Variants in RFX1 observed in about 807,000 individuals in gnomAD.
RFX1 encodes regulatory factor X1.
Under a neutral mutation model 119.6 loss-of-function variants are expected in RFX1, and 42 were observed. The observed-to-expected ratio is 0.35, with a 90% confidence interval of 0.27 to 0.45. The LOEUF is 0.45. Among genes scored for constraint, RFX1 ranks in the 20% least tolerant of loss-of-function variants. RFX1 has a pLI of 1.00. For synonymous variants in RFX1, 628 were observed against 618.5 expected, an observed-to-expected ratio of 1.02 and a Z score of -0.23; for missense variants, 1,118 against 1,368.1, an observed-to-expected ratio of 0.82 and a Z score of 2.88.
intron 9 of RFX1, among the ~76,000 whole-genome samples, chr19:13,970,705 G>A (rs915163309): frequency 7.0e-6 from 1 of 143,456 alleles, no homozygotes; most frequent in Non-Finnish European, 1.5e-5. Context: ...AAATTAGCAG[G>A]ACGTGGTGGC....
At chr19:13,973,319 A>T (rs774192770) in intron 8 of RFX1, among the ~76,000 whole-genome samples, 192 bp from the exon 9 acceptor site, 2 of 152,132 alleles carry the variant, frequency 1.3e-5, no homozygotes. Flanking sequence ...GCAGTATTTC[A>T]TATAATCATC....
In RFX1 at chr19:13,970,146, C is replaced by T. The variant is rs761413531; in HGVS notation, c.1344G>A (p.Thr448=). 6.2e-6 allele frequency: 10 copies of T among 1,612,552 alleles called. No homozygotes were observed. The highest frequency in any genetic ancestry group is 1.3e-5 in the African/African-American group (1 of 75,008). Residue 448 remains threonine (T), a synonymous_variant, in exon 10 of 21, where the codon ACG becomes ACA. Coordinates refer to ENST00000254325, the MANE Select transcript of RFX1 (RefSeq NM_002918.5). ...TVQWLLDNYE[T]AEGVSLPRST... is the part of the protein sequence containing the mutation. Reference sequence around the variant, plus strand: ...TCCGTGGCAGACTCACGCCCTCAGCCGTCTCATAGTTGTCCAGGAGCCACT... The same window carrying T: ...TCCGTGGCAGACTCACGCCCTCAGCTGTCTCATAGTTGTCCAGGAGCCACT...
Position 13,986,237 on chromosome 19 carries a change from C to T in RFX1, c.320-2642G>A, listed in dbSNP as rs1974589810. The stretch of plus-strand genomic sequence containing the variant: ...GGTGGGCAGGGAGTGGGGGGCTGGC[C>T]CCCCACCCTCTCCAGGGCTCAGGGG... On this transcript the variant is annotated intron_variant, in intron 2 of 20. Transcript: ENST00000254325. The surrounding 1 kb of genome is among the most constrained non-coding windows in gnomAD (Gnocchi z 4.2). Among the ~76,000 whole-genome samples the T allele has an allele frequency of 6.6e-6, 1 of 152,080 alleles. No individual in the cohort carries two copies. Among genetic ancestry groups the T allele is most frequent in the Non-Finnish European group, 1.5e-5 (1 of 67,990 alleles).
intron 8 of RFX1, among the ~76,000 whole-genome samples, chr19:13,974,357 G>C (rs1330521276): frequency 1.3e-5 from 2 of 152,166 alleles, no homozygotes; most frequent in South Asian, 2.1e-4. Context: ...CAGATATCGC[G>C]TGACGGGATG....
rs188957964 is a variant in RFX1, at chr19:13,965,456, C to T, written c.2204G>A (p.Arg735Gln). ...ACCCCCTCACACTCTCACCTTCACC[C>T]GCAGCATCTCCTCGGGGATGTTGAC... ...AMVNIPEEML[R>Q]VKVAAAGAFA... Residue 735 changes from arginine (R) to glutamine (Q), a missense_variant, in exon 16 of 21, where the codon CGG becomes CAG. Around this residue, in one of 5 missense-constraint regions of RFX1, gnomAD observed 338 missense variants for 508.9 expected, o/e 0.66. Coordinates refer to ENST00000254325, the MANE Select transcript of RFX1 (RefSeq NM_002918.5). The surrounding 1 kb of genome is among the most constrained non-coding windows in gnomAD (Gnocchi z 4.7). 5.2e-4 allele frequency: 840 copies of T among 1,613,684 alleles called. 9 individuals carry two copies. The Admixed American group carries it at 0.013, about 24-fold the overall frequency.
chr19:13,984,455 G>A (rs1242643350), intron 2 of RFX1, among the ~76,000 whole-genome samples: 4 of 152,194 alleles, frequency 2.6e-5, no homozygotes, highest in Admixed American at 2.6e-4. Flanking sequence ...GGTGAGGAGG[G>A]AGGTTGGTAC....
At position 13,978,054 on chromosome 19, in the gene RFX1, G is replaced by A. The variant is rs962043254; in HGVS notation, c.867C>T (p.His289=). 5 of 1,613,384 alleles carry A rather than the reference G, an allele frequency of 3.1e-6. No individual in the cohort carries two copies. The highest frequency in any genetic ancestry group is 3.3e-5 in the Admixed American group (2 of 59,986). Residue 289 remains histidine, a synonymous_variant, in exon 8 of 21, where the codon CAC becomes CAT. Transcript: ENST00000254325. ...CATACTGCACCTGGCTGGAGTACAC[G>A]TGTGGGACGGGCACCTGCTGGAGCT... ...VQQLQQVPVP[H]VYSSQVQYVE...
At position 13,965,713 on chromosome 19, in the gene RFX1, C is replaced by T. The variant is rs371857825; in HGVS notation, c.2026G>A (p.Val676Met). 30 of 1,613,788 alleles carry T rather than the reference C, an allele frequency of 1.9e-5. No homozygotes were observed. The highest frequency in any genetic ancestry group is 3.3e-4 in the Middle Eastern group (2 of 6,082). The change falls in exon 15 of 21, where the codon GTG (valine) becomes ATG (methionine). Residue 676 changes from valine to methionine, a missense_variant. Around this residue, in one of 5 missense-constraint regions of RFX1, gnomAD observed 338 missense variants for 508.9 expected, o/e 0.66. Coordinates refer to ENST00000254325, the MANE Select transcript of RFX1 (RefSeq NM_002918.5). This position sits in a 1 kb window ranked among gnomAD's most constrained non-coding sequence, Gnocchi z 4.7. ...ILVLLSKFEP[V>M]LQWTKHCDNV... ...TCACAGTGCTTGGTCCATTGGAGCACGGGCTCGAACTTGGAGAGGAGCACC... is the reference window on the plus strand; with the variant it reads ...TCACAGTGCTTGGTCCATTGGAGCATGGGCTCGAACTTGGAGAGGAGCACC...
chr19:14,003,561 T>C (rs1361407638), intron 1 of RFX1, among the ~76,000 whole-genome samples: 1 of 152,230 alleles, frequency 6.6e-6, no homozygotes, highest in Non-Finnish European at 1.5e-5. Flanking sequence ...GAGGCTAACA[T>C]AACTACATTA....
In RFX1 at chr19:13,962,536, G is replaced by A; in HGVS notation, c.*159C>T. 1 of 613,442 alleles carries A rather than the reference G, an allele frequency of 1.6e-6. No homozygotes were observed. The highest frequency in any genetic ancestry group is 3.2e-5 in the East Asian group (1 of 31,204). 38.0% of individuals were successfully genotyped at this position (613,442 alleles called of 1,614,324 possible). ...CGGCTCCGCCCAGCCCACTGATTGT[G>A]CCGGCCCCATAAGGGAGGAGGGCCC... On this transcript the variant is annotated 3_prime_UTR_variant, in exon 21 of 21. Transcript: ENST00000254325.
chr19:13,985,876 G>C lies in RFX1; in HGVS notation c.320-2281C>G, dbSNP rs1303626377. Among the ~76,000 whole-genome samples the C allele has an allele frequency of 1.3e-5, 2 of 152,064 alleles. No homozygotes were observed. ...CAGAGCGCAGGAGTGTGTGTTGGGG[G>C]CGGGGGTTGCCAGATGTGGGAGGTG... On this transcript the variant is annotated intron_variant, in intron 2 of 20. Coordinates refer to ENST00000254325, the MANE Select transcript of RFX1 (RefSeq NM_002918.5). The surrounding 1 kb of genome is among the most constrained non-coding windows in gnomAD (Gnocchi z 4.3).
At chr19:13,963,367 A>G in intron 18 of RFX1, 92 bp from the exon 19 acceptor site, 1 of 1,480,980 alleles carries the variant, frequency 6.8e-7, no homozygotes, top group Non-Finnish European at 9.0e-7. Context: ...GCCTCGCGCC[A>G]GCCCAGTGAC....
rs78335647 is a variant in RFX1 at position 13,989,862 on chromosome 19, C to A, written c.319+3663G>T. 6.7e-5 allele frequency among the ~76,000 whole-genome samples: 10 copies of A among 150,340 alleles called. No homozygotes were observed. In the South Asian group the frequency reaches 1.9e-3, roughly 28 times the overall value. On this transcript the variant is annotated intron_variant, in intron 2 of 20. Coordinates refer to ENST00000254325, the MANE Select transcript of RFX1 (RefSeq NM_002918.5). Reference sequence around the variant, plus strand: ...ATTGGGGTCATAGAAGTGGAAGAGGCGGGGGGGGTTCTGGAAGAGTTTAGG... The same window carrying A: ...ATTGGGGTCATAGAAGTGGAAGAGGAGGGGGGGGTTCTGGAAGAGTTTAGG...
chr19:13,972,660 G>T, intron 9 of RFX1, 83 bp downstream of exon 9: 1 of 1,084,770 alleles, frequency 9.2e-7, no homozygotes, highest in Non-Finnish European at 1.3e-6. Flanking sequence ...GCGGTGGTTG[G>T]TAACCACCGT....
In RFX1 at chr19:13,963,912, TGCGGTGTTCTGC is replaced by T. The variant is rs1973806673; in HGVS notation, c.2295_2306del (p.Asn767_Gln770del). Reference sequence around the variant, plus strand: ...GGTCGCTCAGCATCTGGTTGATCTGTGCGGTGTTCTGCAGCACAGCGCGCGCCGCCTGCGCCA... The same window carrying T: ...GGTCGCTCAGCATCTGGTTGATCTGTAGCACAGCGCGCGCCGCCTGCGCCA... On this transcript the variant is annotated inframe_deletion, in exon 17 of 21. Transcript: ENST00000254325. 1 of 1,550,054 alleles carries T rather than the reference TGCGGTGTTCTGC, an allele frequency of 6.5e-7. No homozygotes were observed. Among genetic ancestry groups the T allele is most frequent in the Non-Finnish European group, 8.7e-7 (1 of 1,148,674 alleles).
chr19:13,963,823 C>T (rs1050805041), intron 17 of RFX1, 35 bp downstream of exon 17: 65 of 1,501,576 alleles, frequency 4.3e-5, no homozygotes, highest in Non-Finnish European at 4.8e-5. Flanking sequence ...TTAGGCTGCC[C>T]CTCATTCGCC....
At position 13,965,853 on chromosome 19, in the gene RFX1, G is replaced by GC; in HGVS notation, c.1962-77dup. ...CCCCATCGTCAGAAGGGAACAGGTA[G>GC]CCCCTGTCCCTGACCCAGGGTCACT... On this transcript the variant is annotated intron_variant, in intron 14 of 20. Coordinates refer to ENST00000254325, the MANE Select transcript of RFX1 (RefSeq NM_002918.5). This position sits in a 1 kb window ranked among gnomAD's most constrained non-coding sequence, Gnocchi z 4.7. The GC allele has an allele frequency of 6.5e-7, 1 of 1,530,094 alleles. No individual in the cohort carries two copies. Among genetic ancestry groups the GC allele is most frequent in the African/African-American group, 1.4e-5 (1 of 73,544 alleles). 94.8% of individuals were successfully genotyped at this position (1,530,094 alleles called of 1,614,324 possible).
At chr19:13,979,761 C>T (rs1032422022) in intron 6 of RFX1, among the ~76,000 whole-genome samples, 7 of 152,132 alleles carry the variant, frequency 4.6e-5, no homozygotes, top group Non-Finnish European at 7.4e-5. Flanking sequence ...ACTTCGGGGT[C>T]TCTGCTCTCC....
At chr19:13,964,096 G>C in intron 16 of RFX1, 89 bp from the exon 17 acceptor site, 2 of 1,345,140 alleles carry the variant, frequency 1.5e-6, no homozygotes, top group Non-Finnish European at 2.0e-6. Context: ...CCCTAAGCCT[G>C]TTTCCTTTTT....
Sources: gnomAD v4.1 joint callset for allele counts (sites outside exome capture counted in the v4.1 genomes callset) on GRCh38, gnomAD v4.1.1 for gene constraint, gnomAD v4.1.1 regional missense constraint, Gnocchi (gnomAD v3.1) non-coding constraint, MANE v1.5 for transcripts, NCBI Gene and HGNC (gene_info 2026-07-23, HGNC 2026-07-21) for gene names.